Variants in ZFHX4 observed in about 807,000 individuals in gnomAD.
ZFHX4 encodes the protein zinc finger homeobox protein 4.
ZFHX4 carries 56 observed loss-of-function variants against 267.6 expected under a neutral mutation model. The ratio of observed to expected loss-of-function variants is 0.21; its 90% CI spans 0.17 to 0.26. ZFHX4 has a LOEUF of 0.26. Among genes scored for constraint, ZFHX4 ranks in the 10% least tolerant of loss-of-function variants. ZFHX4 has a pLI of 1.00. For synonymous variants in ZFHX4, 1,778 were observed against 1,665.6 expected (o/e 1.07, Z -1.64); for missense variants, 4,332 against 4,420.0 (o/e 0.98, Z 0.56).
chr8:76,758,970 C>T (rs1010317484), intron 3 of ZFHX4, among the ~76,000 whole-genome samples: 1 of 152,090 alleles, frequency 6.6e-6, no homozygotes, highest in Non-Finnish European at 1.5e-5. Flanking sequence ...ATAGAAAAAT[C>T]AGTTTTCAGT....
intron 4 of ZFHX4, chr8:76,782,354 A>G (rs1048077003): frequency 5.4e-6 from 1 of 184,602 alleles, no homozygotes; most frequent in Non-Finnish European, 1.2e-5. Flanking sequence ...ATGGGGCATC[A>G]CTTACCCCTT....
At chr8:76,714,225 T>C (rs551992375) in intron 3 of ZFHX4, among the ~76,000 whole-genome samples, 16 of 152,142 alleles carry the variant, frequency 1.1e-4, no homozygotes, top group Non-Finnish European at 2.4e-4. Context: ...TTGGAGCTTG[T>C]TTAAAATTGC....
At position 76,758,169 on chromosome 8, in the gene ZFHX4, A is replaced by G. The variant is rs1424141156; in HGVS notation, c.3094-20039A>G. 4.6e-5 allele frequency among the ~76,000 whole-genome samples: 7 copies of G among 152,120 alleles called. No individual in the cohort carries two copies. The East Asian group carries it at 1.4e-3, about 29-fold the overall frequency. On this transcript the variant is annotated intron_variant, in intron 3 of 10. Coordinates refer to ENST00000651372, the MANE Select transcript of ZFHX4 (RefSeq NM_024721.5). ...GGCATGAAAACAAGTAAATGATGGC[A>G]CAATATGGTAAGTGGAGAAACAGGT...
At chr8:76,776,016 T>C (rs1413994680) in intron 3 of ZFHX4, among the ~76,000 whole-genome samples, 1 of 151,980 alleles carries the variant, frequency 6.6e-6, no homozygotes, top group Non-Finnish European at 1.5e-5. Flanking sequence ...CGAGGTTCTG[T>C]TCTAGACAGT....
intron 3 of ZFHX4, among the ~76,000 whole-genome samples, chr8:76,741,903 T>C (rs1809327344): frequency 6.6e-6 from 1 of 152,158 alleles, no homozygotes; most frequent in Non-Finnish European, 1.5e-5. Flanking sequence ...AGCAGAAAAG[T>C]TTCTGAAGAA....
intron 4 of ZFHX4, among the ~76,000 whole-genome samples, chr8:76,826,624 C>T (rs557730561): frequency 3.9e-5 from 6 of 152,204 alleles, no homozygotes; most frequent in African/African-American, 1.4e-4. Flanking sequence ...TATGATTCCA[C>T]TAAAGCAGTC....
At chr8:76,721,769 C>A (rs1488765060) in intron 3 of ZFHX4, among the ~76,000 whole-genome samples, 1 of 152,086 alleles carries the variant, frequency 6.6e-6, no homozygotes, top group Non-Finnish European at 1.5e-5. Flanking sequence ...GATGTTGTCA[C>A]ATTGTTGAAA....
At position 76,856,242 on chromosome 8, in the gene ZFHX4, C is replaced by T; in HGVS notation, c.9321C>T (p.Val3107=). The change falls in exon 10 of 11, where the codon GTC becomes GTT. Residue 3107 remains valine (V), a synonymous_variant. Transcript: ENST00000651372. ...CCGGACTCCCCGGCCTTCCTCCAGT[C>T]CTTCTCCCCGGAATGAACGGTCCAT... ...AYPGLPGLPP[V]LLPGMNGPSS... is the part of the protein sequence containing the mutation. 1 of 1,613,956 alleles carries T rather than the reference C, an allele frequency of 6.2e-7. No individual in the cohort carries two copies. Among genetic ancestry groups the T allele is most frequent in the Non-Finnish European group, 8.5e-7 (1 of 1,179,858 alleles).
chr8:76,815,628 G>A (rs553489034), intron 4 of ZFHX4, among the ~76,000 whole-genome samples: 1 of 152,096 alleles, frequency 6.6e-6, no homozygotes, highest in African/African-American at 2.4e-5. Context: ...CAGCCTCTGG[G>A]ATAACTGGGA....
rs141235888 is a variant in ZFHX4, at chr8:76,852,781, T to C, written c.5860T>C (p.Leu1954=). 2.5e-6 allele frequency: 4 copies of C among 1,613,512 alleles called. No homozygotes were observed. The highest frequency in any genetic ancestry group is 3.4e-6 in the Non-Finnish European group (4 of 1,179,694). ...DKLECGTCGK[L]FSNVLILKSH... is the part of the protein sequence containing the mutation. Reference sequence around the variant, plus strand: ...ACTAGAATGTGGAACATGTGGTAAATTGTTTTCCAATGTTCTTATTTTAAA... The same window carrying C: ...ACTAGAATGTGGAACATGTGGTAAACTGTTTTCCAATGTTCTTATTTTAAA... The change falls in exon 10 of 11, where the codon TTG becomes CTG. Residue 1954 remains leucine, a synonymous_variant. Coordinates refer to ENST00000651372, the MANE Select transcript of ZFHX4 (RefSeq NM_024721.5).
chr8:76,765,009 G>T (rs896381731), intron 3 of ZFHX4, among the ~76,000 whole-genome samples: 1 of 152,066 alleles, frequency 6.6e-6, no homozygotes, highest in South Asian at 2.1e-4. Flanking sequence ...CAACTTTCAG[G>T]CACCATCTCA....
At chr8:76,752,106 A>G (rs977544678) in intron 3 of ZFHX4, among the ~76,000 whole-genome samples, 1 of 152,176 alleles carries the variant, frequency 6.6e-6, no homozygotes, top group Admixed American at 6.6e-5. Context: ...AAGGATGTGC[A>G]AACTGATTGC....
At chr8:76,745,664 A>G (rs1809439985) in intron 3 of ZFHX4, among the ~76,000 whole-genome samples, 2 of 152,128 alleles carry the variant, frequency 1.3e-5, no homozygotes, top group Non-Finnish European at 1.5e-5. Flanking sequence ...AGCAGAGTCA[A>G]TGTTAGAGAC....
intron 4 of ZFHX4, among the ~76,000 whole-genome samples, chr8:76,793,186 T>C (rs1358677035): frequency 6.6e-6 from 1 of 152,116 alleles, no homozygotes; most frequent in Non-Finnish European, 1.5e-5. Flanking sequence ...GGAATTACAG[T>C]TACCTTCCAA....
chr8:76,686,971 A>G (rs1197013513), intron 1 of ZFHX4, among the ~76,000 whole-genome samples: 1 of 152,216 alleles, frequency 6.6e-6, no homozygotes, highest in African/African-American at 2.4e-5. Context: ...TAAGGGTTAA[A>G]GACTTGGCCA....
intron 1 of ZFHX4, among the ~76,000 whole-genome samples, chr8:76,700,250 A>AT (rs1295246732): frequency 6.6e-6 from 1 of 152,162 alleles, no homozygotes; most frequent in African/African-American, 2.4e-5. Context: ...GCAGATGAGA[A>AT]TAAAAACAAT....
chr8:76,737,238 G>C (rs1391823605), intron 3 of ZFHX4, among the ~76,000 whole-genome samples: 1 of 152,078 alleles, frequency 6.6e-6, no homozygotes, highest in Non-Finnish European at 1.5e-5. Flanking sequence ...TACCCAGTTT[G>C]ACCTTTCCTT....
intron 1 of ZFHX4, among the ~76,000 whole-genome samples, chr8:76,690,242 T>C (rs1305734271): frequency 6.6e-6 from 1 of 152,072 alleles, no homozygotes; most frequent in Non-Finnish European, 1.5e-5. Context: ...CCAGGGAAAA[T>C]TGACTTTCAG....
At chr8:76,767,569 C>T (rs1810084137) in intron 3 of ZFHX4, among the ~76,000 whole-genome samples, 1 of 152,122 alleles carries the variant, frequency 6.6e-6, no homozygotes, top group South Asian at 2.1e-4. Context: ...TATTAGATAC[C>T]TGCACGTAGC....
Sources: allele counts gnomAD v4.1 joint callset (sites outside exome capture counted in the v4.1 genomes callset), GRCh38; gene constraint gnomAD v4.1.1; transcripts MANE v1.5; gene names NCBI Gene and HGNC (gene_info 2026-07-23, HGNC 2026-07-21).